Variants in RBM48 observed in about 807,000 individuals in gnomAD.
The protein encoded by RBM48 is RNA-binding protein 48.
Under a neutral mutation model 34.8 loss-of-function variants are expected in RBM48, and 32 were observed. The ratio of observed to expected loss-of-function variants is 0.92; its 90% CI spans 0.69 to 1.23. The LOEUF is 1.23. RBM48 is among the 50% of genes most tolerant of loss of function. The pLI is 0.00. For synonymous variants in RBM48, 151 were observed against 156.2 expected (o/e 0.97, Z 0.25); for missense variants, 441 against 447.2 (o/e 0.99, Z 0.12).
chr7:92,529,026 C>T (rs41278794), intron 1 of RBM48, 102 bp downstream of exon 1: 1 of 852,110 alleles, frequency 1.2e-6, no homozygotes, highest in Admixed American at 2.1e-5. Context: ...AGGCTTCCGT[C>T]AGATCTGTCT....
At chr7:92,529,292 G>A (rs1204718825) in intron 1 of RBM48, 184 bp from the exon 2 acceptor site, 2 of 582,530 alleles carry the variant, frequency 3.4e-6, no homozygotes, top group East Asian at 5.7e-5. Context: ...GCCTTAGGTA[G>A]CCTCTCACAT....
At chr7:92,529,044 G>A in intron 1 of RBM48, 120 bp downstream of exon 1, 1 of 774,814 alleles carries the variant, frequency 1.3e-6, no homozygotes, top group South Asian at 1.5e-5. Flanking sequence ...TCTCTCGTTA[G>A]AGCTGGCGTG....
chr7:92,533,903 T>C (rs1327550948), intron 3 of RBM48, among the ~76,000 whole-genome samples: 1 of 151,018 alleles, frequency 6.6e-6, no homozygotes, highest in East Asian at 1.9e-4. Context: ...TTGCTTTCTT[T>C]AGTGACTAAC....
In RBM48 at chr7:92,539,698, CAA is replaced by C. The variant is rs560783644; in HGVS notation, c.*2768_*2769del. 6.6e-6 allele frequency among the ~76,000 whole-genome samples: 1 copy of C among 151,434 alleles called. No individual in the cohort carries two copies. The highest frequency in any genetic ancestry group is 1.9e-4 in the East Asian group (1 of 5,184). On this transcript the variant is annotated 3_prime_UTR_variant, in exon 5 of 5. Coordinates refer to ENST00000265732, the MANE Select transcript of RBM48 (RefSeq NM_032120.4). Reference sequence around the variant, plus strand: ...TGGGCAACAGACGGAGACTGTGTCTCAAAAAAAAGTGTTCTTGTATACCATGT... The same window carrying C: ...TGGGCAACAGACGGAGACTGTGTCTCAAAAAAGTGTTCTTGTATACCATGT...
At position 92,534,974 on chromosome 7, in the gene RBM48, A is replaced by G. The variant is rs1430539191; in HGVS notation, c.1017+4A>G. ...AATTCGGCATAAACTTAAAGAGGTA[A>G]GGTTATTTTTAAAAAACTATTCTAA... On this transcript the variant is annotated splice_donor_region_variant and intron_variant, in intron 4 of 4. Transcript: ENST00000265732. 4 of 1,613,808 alleles carry G rather than the reference A, an allele frequency of 2.5e-6. No individual in the cohort carries two copies. In the African/African-American group the frequency reaches 5.3e-5, roughly 22 times the overall value.
chr7:92,535,348 T>C, intron 4 of RBM48: 1 of 1,125,746 alleles, frequency 8.9e-7, no homozygotes, highest in Non-Finnish European at 1.1e-6. Context: ...CTCTCAAATT[T>C]AGAGTTATTA....
At chr7:92,534,217 A>G (rs1793645799) in intron 3 of RBM48, 185 bp from the exon 4 acceptor site, 8 of 830,100 alleles carry the variant, frequency 9.6e-6, no homozygotes, top group South Asian at 1.6e-5. Flanking sequence ...TTGATGCTAT[A>G]TATCTTTTTA....
intron 4 of RBM48, chr7:92,535,841 C>G: frequency 2.0e-6 from 2 of 981,588 alleles, no homozygotes; most frequent in Non-Finnish European, 2.4e-6. Context: ...CCTTCTTTAG[C>G]TTTTCAGTTT....
chr7:92,529,234 C>T (rs1488382070), intron 1 of RBM48: 28 of 570,840 alleles, frequency 4.9e-5, no homozygotes, highest in Non-Finnish European at 8.3e-5. Flanking sequence ...TGACTTCTAC[C>T]GACTCAATTT....
At position 92,534,627 on chromosome 7, in the gene RBM48, C is replaced by G; in HGVS notation, c.674C>G (p.Ser225Cys). 6.2e-7 allele frequency: 1 copy of G among 1,614,166 alleles called. No individual in the cohort carries two copies. Among genetic ancestry groups the G allele is most frequent in the Non-Finnish European group, 8.5e-7 (1 of 1,180,026 alleles). The change falls in exon 4 of 5, where the codon TCT (serine) becomes TGT (cysteine). Residue 225 changes from serine to cysteine, a missense_variant. Physicochemically the swap from Ser to Cys is moderately radical, Grantham distance 112. Coordinates refer to ENST00000265732, the MANE Select transcript of RBM48 (RefSeq NM_032120.4). ...GGPVDRAPDS[S>C]KDGRNHHKTM... ...CCTGTAGACAGAGCACCAGACTCCT[C>G]TAAGGATGGTAGAAACCATCATAAA...
At chr7:92,533,134 GTGA>G (rs1489706691) in intron 3 of RBM48, among the ~76,000 whole-genome samples, 1 of 152,222 alleles carries the variant, frequency 6.6e-6, no homozygotes, top group Non-Finnish European at 1.5e-5. Flanking sequence ...CTACCACATA[GTGA>G]TGGAGAGAAA....
intron 2 of RBM48, among the ~76,000 whole-genome samples, chr7:92,530,973 T>C (rs1793561707): frequency 6.6e-6 from 1 of 152,052 alleles, no homozygotes; most frequent in East Asian, 1.9e-4. Context: ...TTCCAGCTAC[T>C]TGGGAGGCCG....
chr7:92,531,790 A>G (rs1411731686), intron 2 of RBM48, among the ~76,000 whole-genome samples: 2 of 152,228 alleles, frequency 1.3e-5, no homozygotes, highest in East Asian at 1.9e-4. Flanking sequence ...TGTTAATTCA[A>G]GTGAAGCGCT....
At chr7:92,534,996 C>T (rs1585278423) in intron 4 of RBM48, 26 bp downstream of exon 4, 3 of 1,611,256 alleles carry the variant, frequency 1.9e-6, no homozygotes, top group Non-Finnish European at 2.5e-6. Flanking sequence ...AAAAACTATT[C>T]TAAGACACGA....
At chr7:92,531,985 G>A (rs996663449) in intron 2 of RBM48, among the ~76,000 whole-genome samples, 6 of 152,142 alleles carry the variant, frequency 3.9e-5, no homozygotes, top group African/African-American at 1.4e-4. Flanking sequence ...GTTATTGAAT[G>A]TTTTATGATT....
intron 3 of RBM48, 49 bp downstream of exon 3, chr7:92,532,598 C>T (rs1184572588): frequency 8.1e-6 from 11 of 1,360,342 alleles, no homozygotes; most frequent in African/African-American, 1.5e-5. Context: ...GGCACTCTGC[C>T]AGGTGTGTCA....
At chr7:92,535,248 T>G in intron 4 of RBM48, 1 of 1,332,498 alleles carries the variant, frequency 7.5e-7, no homozygotes, top group Non-Finnish European at 9.6e-7. Flanking sequence ...TCTGTGAGAG[T>G]GGAGCCCAGG....
intron 4 of RBM48, chr7:92,535,403 A>G (rs1793685218): frequency 1.9e-6 from 2 of 1,035,780 alleles, no homozygotes; most frequent in African/African-American, 1.7e-5. Flanking sequence ...TTTGTGATAA[A>G]GAGCAATAGA....
chr7:92,535,855 C>T, intron 4 of RBM48: 2 of 978,886 alleles, frequency 2.0e-6, no homozygotes, highest in Non-Finnish European at 2.4e-6. Flanking sequence ...TCAGTTTAGG[C>T]TGGGCCCAGT....
Sources: gnomAD v4.1 joint callset for allele counts (sites outside exome capture counted in the v4.1 genomes callset) on GRCh38, gnomAD v4.1.1 for gene constraint, MANE v1.5 for transcripts, NCBI Gene and HGNC (gene_info 2026-07-23, HGNC 2026-07-21) for gene names.